Variants in SMIM36 observed in about 807,000 individuals in gnomAD.
SMIM36 encodes small integral membrane protein 36.
chr17:55,511,705 C>T (rs75362614), upstream of SMIM36, among the ~76,000 whole-genome samples: 2,962 of 152,238 alleles, frequency 0.019, 30 homozygotes, highest in Non-Finnish European at 0.033. Flanking sequence ...AATAAGCACT[C>T]CATGATGACA....
Position 55,465,118 on chromosome 17 carries a change from T to C in SMIM36, c.*531+2027A>G, listed in dbSNP as rs1290265685. 2.6e-5 allele frequency among the ~76,000 whole-genome samples: 4 copies of C among 152,212 alleles called. No homozygotes were observed. In the East Asian group the frequency reaches 7.7e-4, roughly 29 times the overall value. On this transcript the variant is annotated intron_variant, in intron 4 of 4. Coordinates refer to ENST00000636752, the Ensembl canonical transcript of SMIM36. The stretch of plus-strand genomic sequence containing the variant: ...CTGTGCTCTGTGTTGGGCAGACAAG[T>C]TCATAAACAATCTGCTCCATTCTGA...
upstream of SMIM36, among the ~76,000 whole-genome samples, chr17:55,516,369 C>A (rs1487958665): frequency 6.6e-6 from 1 of 152,088 alleles, no homozygotes; most frequent in East Asian, 1.9e-4. Flanking sequence ...TCTTGAGCTC[C>A]TTTGTAAAAT....
chr17:55,531,615 AC>A, the SMIM36 span, among the ~76,000 whole-genome samples: 4 of 152,224 alleles, frequency 2.6e-5, no homozygotes, highest in South Asian at 8.3e-4. Context: ...TGGCTGACGT[AC>A]CGAAAGAAAT....
At chr17:55,473,178 C>A (rs913653033) in intron 3 of SMIM36, among the ~76,000 whole-genome samples, 1 of 152,078 alleles carries the variant, frequency 6.6e-6, no homozygotes, top group African/African-American at 2.4e-5. Flanking sequence ...TTGCCTCCTG[C>A]AGCCCCTCAT....
intron 4 of SMIM36, among the ~76,000 whole-genome samples, chr17:55,460,642 G>C (rs1909131755): frequency 6.6e-6 from 1 of 152,152 alleles, no homozygotes; most frequent in Non-Finnish European, 1.5e-5. Flanking sequence ...CAGATCACGA[G>C]GTCAGGAGAT....
At chr17:55,516,554 CTTTTTTTTT>C in the SMIM36 span, among the ~76,000 whole-genome samples, 1 of 98,554 alleles carries the variant, frequency 1.0e-5, no homozygotes, top group Non-Finnish European at 1.8e-5. Context: ...AACAGTCTTC[CTTTTTTTTT>C]TTTTTTTTTT....
In SMIM36 at chr17:55,500,858, ATAT is replaced by A. The variant is rs1909908393; in HGVS notation, c.*174+10018_*174+10020del. Among the ~76,000 whole-genome samples, 2 of 18,520 alleles carry A rather than the reference ATAT, an allele frequency of 1.1e-4. 1 individual carries two copies. Among genetic ancestry groups the A allele is most frequent in the Non-Finnish European group, 1.6e-4 (2 of 12,564 alleles). The allele number at this position is 18,520 out of a possible 152,430, so 12.1% of individuals were successfully genotyped here. ...ATATTATAATATATTATATTATAATATATTATAATATATTATATTTTATAATAT... is the reference window on the plus strand; with the variant it reads ...ATATTATAATATATTATATTATAATATATAATATATTATATTTTATAATAT... On this transcript the variant is annotated intron_variant, in intron 1 of 4. Coordinates refer to ENST00000636752, the Ensembl canonical transcript of SMIM36.
intron 1 of SMIM36, among the ~76,000 whole-genome samples, chr17:55,486,114 C>T (rs1320447439): frequency 6.7e-6 from 1 of 150,166 alleles, no homozygotes. Context: ...CCGCTCAATG[C>T]AACCTCGCCT....
chr17:55,475,227 C>G (rs555726338), intron 3 of SMIM36, among the ~76,000 whole-genome samples: 1 of 152,300 alleles, frequency 6.6e-6, no homozygotes, highest in East Asian at 1.9e-4. Context: ...CCGGTTTACA[C>G]TTTTTCTCCA....
chr17:55,465,889 T>C (rs574098552), intron 4 of SMIM36, among the ~76,000 whole-genome samples: 29 of 152,118 alleles, frequency 1.9e-4, no homozygotes, highest in Non-Finnish European at 4.0e-4. Context: ...GTGATTTAGA[T>C]CCACTGGACT....
chr17:55,486,239 A>G (rs1443095032), intron 1 of SMIM36, among the ~76,000 whole-genome samples: 1 of 152,026 alleles, frequency 6.6e-6, no homozygotes, highest in African/African-American at 2.4e-5. Flanking sequence ...GGGTTTCACC[A>G]TGTTGGCCAG....
At chr17:55,488,276 A>AG (rs11405615) in intron 1 of SMIM36, among the ~76,000 whole-genome samples, 72,970 of 152,030 alleles carry the variant, frequency 0.48, 18,890 homozygotes, top group African/African-American at 0.67. Context: ...CTCAGGCTCC[A>AG]GCAGAGGCAT....
exon 4 of SMIM36, chr17:55,467,153 T>G (rs1909254003): frequency 6.6e-6 from 1 of 152,252 alleles, no homozygotes; most frequent in Non-Finnish European, 1.5e-5. Flanking sequence ...ACACAGTGTT[T>G]GTTATAATGT....
chr17:55,486,639 A>G (rs902457070), intron 1 of SMIM36, among the ~76,000 whole-genome samples: 4 of 152,192 alleles, frequency 2.6e-5, no homozygotes, highest in African/African-American at 4.8e-5. Flanking sequence ...TCACACTTTT[A>G]GAAACAGGGC....
At chr17:55,523,597 G>A in the SMIM36 span, among the ~76,000 whole-genome samples, 1 of 151,750 alleles carries the variant, frequency 6.6e-6, no homozygotes, top group African/African-American at 2.4e-5. Context: ...CAAGGAGAGA[G>A]GCCTCAGAAG....
chr17:55,467,698 C>T (rs374588582), intron 3 of SMIM36, among the ~76,000 whole-genome samples: 2 of 152,160 alleles, frequency 1.3e-5, no homozygotes, highest in East Asian at 3.9e-4. Flanking sequence ...ACTCGGCCAA[C>T]CATATTTTTA....
At chr17:55,514,452 G>T (rs1460904747), upstream of SMIM36, among the ~76,000 whole-genome samples, 1 of 152,068 alleles carries the variant, frequency 6.6e-6, no homozygotes, top group African/African-American at 2.4e-5. Context: ...CAAATGTAGA[G>T]CTCAGAGGAA....
chr17:55,516,820 A>G, the SMIM36 span, among the ~76,000 whole-genome samples: 1 of 152,062 alleles, frequency 6.6e-6, no homozygotes, highest in South Asian at 2.1e-4. Context: ...TCGGCCTCCT[A>G]AAGTGCTGGG....
chr17:55,457,513 A>T (rs1160958942), intron 4 of SMIM36, among the ~76,000 whole-genome samples: 1 of 151,812 alleles, frequency 6.6e-6, no homozygotes, highest in Non-Finnish European at 1.5e-5. Context: ...GATCTTTAAA[A>T]AAATTTTTTT....
Sources: allele counts gnomAD v4.1 joint callset (sites outside exome capture counted in the v4.1 genomes callset), GRCh38; gene constraint gnomAD v4.1.1; transcripts MANE v1.5; gene names NCBI Gene and HGNC (gene_info 2026-07-23, HGNC 2026-07-21).